The following FAM135B variants were observed in gnomAD, a reference collection of about 807,000 sequenced individuals.
FAM135B encodes the protein family with sequence similarity 135 member B.
Under a neutral mutation model 127.7 loss-of-function variants are expected in FAM135B, and 43 were observed. The observed-to-expected ratio is 0.34, with a 90% CI of 0.26 to 0.43. The LOEUF is 0.43. Among genes scored for constraint, FAM135B ranks in the 20% least tolerant of loss-of-function variants. The pLI is 1.00. For synonymous variants in FAM135B, 670 were observed against 665.1 expected (o/e 1.01, Z -0.11); for missense variants, 1,558 against 1,725.6 (o/e 0.90, Z 1.72).
At chr8:138,168,087 G>C (rs1820108766) in intron 11 of FAM135B, 38 bp from the exon 12 acceptor site, 1 of 1,571,328 alleles carries the variant, frequency 6.4e-7, no homozygotes, top group South Asian at 1.2e-5. Context: ...CCAGGGAAGA[G>C]TCAGAGGTTT....
intron 6 of FAM135B, 82 bp downstream of exon 6, chr8:138,250,759 T>C: frequency 6.7e-7 from 1 of 1,498,534 alleles, no homozygotes; most frequent in Non-Finnish European, 9.2e-7. Flanking sequence ...TGCTGATCTC[T>C]CCTGGAAAAC....
At chr8:138,449,836 C>T (rs549313297) in intron 1 of FAM135B, among the ~76,000 whole-genome samples, 10 of 152,180 alleles carry the variant, frequency 6.6e-5, no homozygotes, top group Non-Finnish European at 1.3e-4. Flanking sequence ...TCCAAAGTTC[C>T]GAGTTCACAT....
chr8:138,134,493 T>G (rs1816464963), intron 19 of FAM135B, among the ~76,000 whole-genome samples: 1 of 152,200 alleles, frequency 6.6e-6, no homozygotes, highest in Non-Finnish European at 1.5e-5. Flanking sequence ...TGGTATATTT[T>G]TTAACATTTA....
At chr8:138,319,656 C>T (rs57995039) in intron 2 of FAM135B, among the ~76,000 whole-genome samples, 420 of 152,248 alleles carry the variant, frequency 2.8e-3, no homozygotes, top group African/African-American at 9.5e-3. Flanking sequence ...AATAGTCATC[C>T]TTTATTGATT....
rs1231239561 is a variant in FAM135B, at chr8:138,470,459, C to T, written c.-20+26212G>A. Among the ~76,000 whole-genome samples, 4 of 152,180 alleles carry T rather than the reference C, an allele frequency of 2.6e-5. No individual in the cohort carries two copies. In the East Asian group the frequency reaches 7.7e-4, roughly 29 times the overall value. ...TAAAGCCCTGGTTCAGATGGTCTTG[C>T]GGATGATATTTTTATAACGTATTAT... On this transcript the variant is annotated intron_variant, in intron 1 of 19. Transcript: ENST00000395297.
chr8:138,174,367 T>C (rs144940142), intron 11 of FAM135B, among the ~76,000 whole-genome samples: 11 of 152,226 alleles, frequency 7.2e-5, no homozygotes, highest in Non-Finnish European at 1.2e-4. Flanking sequence ...GGTGACTACC[T>C]TTCTCCAGCT....
At chr8:138,396,452 G>C (rs1459495149) in intron 1 of FAM135B, among the ~76,000 whole-genome samples, 1 of 152,172 alleles carries the variant, frequency 6.6e-6, no homozygotes, top group Non-Finnish European at 1.5e-5. Flanking sequence ...ATGACTCAGG[G>C]CAAGAGTGGT....
chr8:138,446,274 T>A (rs530059882), intron 1 of FAM135B, among the ~76,000 whole-genome samples: 1 of 152,138 alleles, frequency 6.6e-6, no homozygotes, highest in Non-Finnish European at 1.5e-5. Flanking sequence ...AAGCTACCAA[T>A]GACTTTCTTC....
intron 9 of FAM135B, among the ~76,000 whole-genome samples, chr8:138,179,782 T>A (rs572054533): frequency 6.6e-6 from 1 of 152,196 alleles, no homozygotes; most frequent in East Asian, 1.9e-4. Flanking sequence ...CAGCCTCGAA[T>A]TCCTGGGCTC....
At chr8:138,370,107 C>T (rs568181191) in intron 1 of FAM135B, among the ~76,000 whole-genome samples, 2 of 152,190 alleles carry the variant, frequency 1.3e-5, no homozygotes, top group Non-Finnish European at 2.9e-5. Context: ...GACAGTGGTG[C>T]TGTTCAGGCA....
chr8:138,409,740 T>C (rs1488291671), intron 1 of FAM135B, among the ~76,000 whole-genome samples: 1 of 151,792 alleles, frequency 6.6e-6, no homozygotes, highest in Non-Finnish European at 1.5e-5. Flanking sequence ...TCAGGCATGG[T>C]GGTGGGCGCT....
chr8:138,405,710 G>C (rs1833439036), intron 1 of FAM135B, among the ~76,000 whole-genome samples: 1 of 152,114 alleles, frequency 6.6e-6, no homozygotes, highest in Non-Finnish European at 1.5e-5. Flanking sequence ...ATGATTTATA[G>C]TCCTTTGGGT....
At position 138,283,048 on chromosome 8, in the gene FAM135B, G is replaced by T. The variant is rs531166156; in HGVS notation, c.158-17206C>A. 1.3e-5 allele frequency among the ~76,000 whole-genome samples: 2 copies of T among 152,088 alleles called. 1 individual carries two copies. Among genetic ancestry groups the T allele is most frequent in the South Asian group, 4.2e-4 (2 of 4,796 alleles). ...CCTGAGTAGCTGGGATTACAGGCAC[G>T]TGCCACCATGCCCAGCTAATTTTTG... On this transcript the variant is annotated intron_variant, in intron 3 of 19. Coordinates refer to ENST00000395297, the MANE Select transcript of FAM135B (RefSeq NM_015912.4).
At chr8:138,455,883 G>A (rs1290720960) in intron 1 of FAM135B, among the ~76,000 whole-genome samples, 3 of 151,764 alleles carry the variant, frequency 2.0e-5, no homozygotes, top group Non-Finnish European at 2.9e-5. Flanking sequence ...GCCAGGAATG[G>A]TGGTTATGTG....
chr8:138,429,591 G>T (rs1366021958), intron 1 of FAM135B, among the ~76,000 whole-genome samples: 1 of 152,108 alleles, frequency 6.6e-6, no homozygotes, highest in Non-Finnish European at 1.5e-5. Context: ...CCTCTTCTCT[G>T]GTTCCTTTAT....
chr8:138,262,791 A>T (rs1822632659), intron 4 of FAM135B, among the ~76,000 whole-genome samples: 1 of 150,614 alleles, frequency 6.6e-6, no homozygotes, highest in Non-Finnish European at 1.5e-5. Context: ...AATCCCAGCT[A>T]CTCAGGAGGC....
chr8:138,488,299 G>T (rs1232694546), intron 1 of FAM135B, among the ~76,000 whole-genome samples: 1 of 149,502 alleles, frequency 6.7e-6, no homozygotes, highest in Non-Finnish European at 1.5e-5. Flanking sequence ...TAAGGGTTTT[G>T]TGCAGCTATG....
intron 7 of FAM135B, among the ~76,000 whole-genome samples, chr8:138,222,677 TG>T (rs142558126): frequency 3.5e-3 from 387 of 111,730 alleles, no homozygotes; most frequent in East Asian, 0.028. Flanking sequence ...TTGTTGGTGG[TG>T]TTTTTTTTTT....
chr8:138,382,639 G>A (rs1831931175), intron 1 of FAM135B, among the ~76,000 whole-genome samples: 1 of 152,118 alleles, frequency 6.6e-6, no homozygotes. Context: ...CAGGATAACT[G>A]TGAAAAACCA....
Sources: allele counts gnomAD v4.1 joint callset (sites outside exome capture counted in the v4.1 genomes callset), GRCh38; gene constraint gnomAD v4.1.1; transcripts MANE v1.5; gene names NCBI Gene and HGNC (gene_info 2026-07-23, HGNC 2026-07-21).